The following PHF14 variants were observed in gnomAD, a reference collection of about 807,000 sequenced individuals.
PHF14 encodes the protein PHD finger protein 14.
In PHF14, 55 loss-of-function variants were observed where a neutral mutation model predicts 117.9. The observed-to-expected ratio is 0.47, with a 90% CI of 0.38 to 0.58. The LOEUF is 0.58. PHF14 is among the 20% of genes least tolerant of loss of function. PHF14 has a pLI of 0.00. For synonymous variants in PHF14, 409 were observed against 368.6 expected (o/e 1.11, Z -1.26); for missense variants, 978 against 1,122.2 (o/e 0.87, Z 1.84).
chr7:11,114,409 G>A (rs994874993), intron 17 of PHF14, among the ~76,000 whole-genome samples: 28 of 151,712 alleles, frequency 1.8e-4, no homozygotes, highest in African/African-American at 6.8e-4. Context: ...GTTGTATGAG[G>A]GCAAAAATTT....
At chr7:10,977,958 A>G (rs909283371) in intron 2 of PHF14, among the ~76,000 whole-genome samples, 11 of 152,228 alleles carry the variant, frequency 7.2e-5, no homozygotes, top group African/African-American at 1.4e-4. Flanking sequence ...GAATGTTTAC[A>G]TCTTTTTAAA....
At chr7:10,978,398 T>A (rs1781940505) in intron 2 of PHF14, among the ~76,000 whole-genome samples, 1 of 152,180 alleles carries the variant, frequency 6.6e-6, no homozygotes, top group Non-Finnish European at 1.5e-5. Context: ...TGTAGAACAA[T>A]TTCATTGAGG....
chr7:11,165,473 T>C (rs1309921610), intron 17 of PHF14, among the ~76,000 whole-genome samples: 2 of 152,148 alleles, frequency 1.3e-5, no homozygotes, highest in African/African-American at 2.4e-5. Flanking sequence ...TATAAAGATA[T>C]AAAGAATAGG....
At chr7:10,988,202 A>G (rs910824557) in intron 3 of PHF14, among the ~76,000 whole-genome samples, 4 of 152,130 alleles carry the variant, frequency 2.6e-5, no homozygotes, top group African/African-American at 9.7e-5. Context: ...GCCTCAAGTC[A>G]TGAGGATCAG....
intron 3 of PHF14, among the ~76,000 whole-genome samples, chr7:10,985,669 T>C (rs1187301444): frequency 8.7e-6 from 1 of 115,340 alleles, no homozygotes; most frequent in Non-Finnish European, 1.8e-5. Flanking sequence ...TTTTTTTTTT[T>C]GGAGACAGGG....
At chr7:11,135,623 C>T (rs756468668) in intron 17 of PHF14, among the ~76,000 whole-genome samples, 6 of 151,812 alleles carry the variant, frequency 4.0e-5, no homozygotes, top group Non-Finnish European at 7.4e-5. Context: ...ATTGAAACTC[C>T]ATCTTTGTTA....
intron 17 of PHF14, among the ~76,000 whole-genome samples, chr7:11,136,860 A>T (rs952312637): frequency 2.0e-5 from 3 of 152,248 alleles, no homozygotes; most frequent in African/African-American, 7.2e-5. Flanking sequence ...CAACATGGTC[A>T]TAATTATTTT....
At chr7:11,141,867 ACT>A (rs1367095286) in intron 17 of PHF14, among the ~76,000 whole-genome samples, 1 of 143,280 alleles carries the variant, frequency 7.0e-6, no homozygotes, top group African/African-American at 2.6e-5. Context: ...CCTTTTTCTT[ACT>A]GTCTTATCTG....
chr7:11,062,747 C>T (rs1434004679), intron 16 of PHF14: 9 of 984,726 alleles, frequency 9.1e-6, no homozygotes, highest in East Asian at 1.1e-4. Context: ...CTAATTTTAG[C>T]GGAAATGAAG....
chr7:11,008,652 G>T (rs1188621351), intron 4 of PHF14, among the ~76,000 whole-genome samples: 1 of 152,124 alleles, frequency 6.6e-6, no homozygotes. Context: ...GTGCCAAAAA[G>T]GTTGGGGACC....
At chr7:11,005,817 G>A (rs1275266134) in intron 4 of PHF14, among the ~76,000 whole-genome samples, 3 of 119,838 alleles carry the variant, frequency 2.5e-5, no homozygotes, top group African/African-American at 1.0e-4. Flanking sequence ...TTTTTGAGAC[G>A]GAGTCTCGTT....
chr7:11,100,973 G>C (rs1389806590), intron 16 of PHF14, among the ~76,000 whole-genome samples: 18 of 151,854 alleles, frequency 1.2e-4, no homozygotes, highest in Admixed American at 1.1e-3. Flanking sequence ...CATCAGTGAA[G>C]CCCTTTGAAA....
chr7:11,125,841 A>G (rs1787912949), intron 17 of PHF14, among the ~76,000 whole-genome samples: 1 of 152,124 alleles, frequency 6.6e-6, no homozygotes, highest in African/African-American at 2.4e-5. Flanking sequence ...TTATAGTGTT[A>G]TACCTTCATT....
At chr7:11,097,172 T>A (rs977171790) in intron 16 of PHF14, among the ~76,000 whole-genome samples, 1 of 151,936 alleles carries the variant, frequency 6.6e-6, no homozygotes, top group African/African-American at 2.4e-5. Flanking sequence ...AGAGATGGGG[T>A]TTCACCATGT....
chr7:11,103,918 T>TA, intron 16 of PHF14: 1 of 982,220 alleles, frequency 1.0e-6, no homozygotes, highest in Non-Finnish European at 1.2e-6. Context: ...CTAGTAGACT[T>TA]TTGTTTAAAA....
intron 16 of PHF14, among the ~76,000 whole-genome samples, chr7:11,076,518 G>A (rs1309306550): frequency 6.6e-6 from 1 of 150,698 alleles, no homozygotes; most frequent in Non-Finnish European, 1.5e-5. Flanking sequence ...CACAGATTGG[G>A]AACTGAATCT....
intron 16 of PHF14, chr7:11,103,710 A>G (rs1562467804): frequency 1.0e-6 from 1 of 983,920 alleles, no homozygotes; most frequent in African/African-American, 1.7e-5. Context: ...AGAGTAGGTA[A>G]TGTTATAGAT....
chr7:11,106,306 C>T, intron 16 of PHF14: 2 of 974,152 alleles, frequency 2.1e-6, no homozygotes, highest in Non-Finnish European at 2.4e-6. Context: ...TCTTACTACC[C>T]ATTCATTCAT....
In PHF14 at chr7:11,127,854, C is replaced by CT. The variant is rs1236644027; in HGVS notation, c.2772+16388dup. Reference sequence around the variant, plus strand: ...AGAAAATTTCACTCACCCATGAGTCCTAAATCAAATATCCTATCACCATGA... The same window carrying CT: ...AGAAAATTTCACTCACCCATGAGTCCTTAAATCAAATATCCTATCACCATGA... On this transcript the variant is annotated intron_variant, in intron 17 of 17. Transcript: ENST00000634607. Among the ~76,000 whole-genome samples the CT allele has an allele frequency of 2.6e-5, 4 of 152,156 alleles. No homozygotes were observed. In the East Asian group the frequency reaches 5.8e-4, roughly 22 times the overall value.
Sources: gnomAD v4.1 joint callset for allele counts (sites outside exome capture counted in the v4.1 genomes callset) on GRCh38, gnomAD v4.1.1 for gene constraint, MANE v1.5 for transcripts, NCBI Gene and HGNC (gene_info 2026-07-23, HGNC 2026-07-21) for gene names.